The following CFAP70 variants were observed in gnomAD, a reference collection of about 807,000 sequenced individuals.
CFAP70 encodes the protein cilia and flagella associated protein 70.
Under a neutral mutation model 137.6 loss-of-function variants are expected in CFAP70, and 81 were observed. The ratio of observed to expected loss-of-function variants is 0.59; its 90% confidence interval spans 0.49 to 0.71. The LOEUF (loss-of-function observed/expected upper bound fraction) is 0.71, where lower values mean the gene tolerates loss of function less well. Among genes scored for constraint, CFAP70 ranks in the 30% least tolerant of loss-of-function variants. The probability of loss-of-function intolerance (pLI) is 0.00; values close to 1 mark genes in which losing one functional copy is unlikely to be tolerated. For missense variants in CFAP70, 976 were observed against 1,226.7 expected, an observed-to-expected ratio of 0.80 and a Z score of 3.05; for synonymous variants, 382 against 423.6, an observed-to-expected ratio of 0.90 and a Z score of 1.20.
chr10:73,255,973 C>G (rs1430767333), intron 26 of CFAP70, among the ~76,000 whole-genome samples: 1 of 152,134 alleles, frequency 6.6e-6, no homozygotes, highest in African/African-American at 2.4e-5. Context: ...CTACAAATCC[C>G]CCAAAATTTC....
chr10:73,313,371 CAAAAAAAA>C (rs775077463), intron 9 of CFAP70, among the ~76,000 whole-genome samples: 1 of 59,180 alleles, frequency 1.7e-5, no homozygotes, highest in Non-Finnish European at 3.5e-5. Flanking sequence ...GACTCTGTCT[CAAAAAAAA>C]AAAAAAAAAA....
exon 27 of CFAP70, chr10:73,253,890 C>G: frequency 9.3e-7 from 1 of 1,075,716 alleles, no homozygotes; most frequent in Non-Finnish European, 1.4e-6. Context: ...TTTCGTTCTC[C>G]AGCTCCAGGC....
At chr10:73,269,510 G>C (rs1310347861) in intron 25 of CFAP70, 104 bp downstream of exon 26, 2 of 734,238 alleles carry the variant, frequency 2.7e-6, no homozygotes, top group Non-Finnish European at 4.8e-6. Context: ...GAGCTTATCA[G>C]ATTTCAGCTA....
chr10:73,360,490 A>G (rs1356143635), upstream of CFAP70, among the ~76,000 whole-genome samples: 1 of 152,170 alleles, frequency 6.6e-6, no homozygotes, highest in Admixed American at 6.5e-5. Flanking sequence ...ACTTTTCTAT[A>G]CATTCGAGAT....
chr10:73,318,284 G>A (rs2050562702), intron 9 of CFAP70, among the ~76,000 whole-genome samples: 1 of 152,140 alleles, frequency 6.6e-6, no homozygotes, highest in Non-Finnish European at 1.5e-5. Flanking sequence ...CTTTTGTGGG[G>A]AGATGATTTG....
At chr10:73,299,075 G>A (rs1468928963) in exon 14 of CFAP70, 1 of 1,613,648 alleles carries the variant, frequency 6.2e-7, no homozygotes, top group South Asian at 1.1e-5. Flanking sequence ...AAATATTCTT[G>A]ATCTGTATGT....
Position 73,277,355 on chromosome 10 carries a change from G to C in CFAP70, c.2405C>G (p.Ser802Ter), listed in dbSNP as rs774374249. The change falls in exon 21 of 27, where the codon TCA (serine) becomes TGA (stop). Residue 802 changes from serine (S) to a stop codon, truncating the protein, a stop_gained. Coordinates refer to ENST00000310715, the Ensembl canonical transcript of CFAP70. LOFTEE classifies it high-confidence loss of function. Reference sequence around the variant, plus strand: ...AAGAGCTGATGAATCTTGACATTTTGATGCTTCTGAAAATATTACATTAAA... The same window carrying C: ...AAGAGCTGATGAATCTTGACATTTTCATGCTTCTGAAAATATTACATTAAA... The C allele has an allele frequency of 6.2e-6, 10 of 1,612,614 alleles. No individual in the cohort carries two copies. In the Admixed American group the frequency reaches 1.3e-4, roughly 22 times the overall value.
intron 9 of CFAP70, among the ~76,000 whole-genome samples, chr10:73,318,994 G>A (rs1325249346): frequency 6.6e-6 from 1 of 152,300 alleles, no homozygotes; most frequent in East Asian, 1.9e-4. Context: ...TTAGAGGCCT[G>A]TGCTCCCCAG....
intron 19 of CFAP70, among the ~76,000 whole-genome samples, chr10:73,282,265 TC>T: frequency 6.6e-6 from 1 of 150,884 alleles, no homozygotes; most frequent in Non-Finnish European, 1.5e-5. Context: ...ACCCTGAAAA[TC>T]CCCCTCACAC....
intron 19 of CFAP70, among the ~76,000 whole-genome samples, chr10:73,290,475 T>C (rs2048094022): frequency 6.6e-6 from 1 of 152,258 alleles, no homozygotes; most frequent in African/African-American, 2.4e-5. Flanking sequence ...ATGTTGATTG[T>C]GGTGATGTTT....
At chr10:73,256,812 A>G (rs556099047) in intron 25 of CFAP70, among the ~76,000 whole-genome samples, 2 of 149,978 alleles carry the variant, frequency 1.3e-5, no homozygotes, top group South Asian at 4.3e-4. Flanking sequence ...CTGAGGCAGG[A>G]GAATCGCTTG....
intron 19 of CFAP70, among the ~76,000 whole-genome samples, chr10:73,283,421 TA>T (rs1354819800): frequency 3.9e-5 from 6 of 152,224 alleles, no homozygotes; most frequent in Admixed American, 2.0e-4. Context: ...AATACGGAGA[TA>T]GGGGTGAGAC....
At chr10:73,287,851 A>ACATC (rs1418919003) in intron 19 of CFAP70, among the ~76,000 whole-genome samples, 103 of 126,494 alleles carry the variant, frequency 8.1e-4, no homozygotes, top group African/African-American at 2.6e-3. Flanking sequence ...ATGCATTTTA[A>ACATC]CATCTATCTA....
upstream of CFAP70, among the ~76,000 whole-genome samples, chr10:73,360,644 T>C (rs1440667376): frequency 6.6e-6 from 1 of 152,234 alleles, no homozygotes. Context: ...GAAATATTTT[T>C]TGAAAGTTGC....
exon 20 of CFAP70, chr10:73,278,219 T>A (rs769142591): frequency 6.2e-7 from 1 of 1,613,896 alleles, no homozygotes; most frequent in South Asian, 1.1e-5. Context: ...TGTTAGATGG[T>A]TTTTGGCTTA....
chr10:73,258,802 G>A (rs1324237712), intron 25 of CFAP70, among the ~76,000 whole-genome samples: 1 of 152,158 alleles, frequency 6.6e-6, no homozygotes, highest in Non-Finnish European at 1.5e-5. Flanking sequence ...GATGAAAAAA[G>A]CCCCGGTTTC....
At chr10:73,323,336 G>T (rs1480822460) in intron 8 of CFAP70, among the ~76,000 whole-genome samples, 1 of 130,296 alleles carries the variant, frequency 7.7e-6, no homozygotes, top group Admixed American at 8.5e-5. Context: ...GGGGGCGGGG[G>T]GGGGGCAGCC....
intron 1 of CFAP70, among the ~76,000 whole-genome samples, chr10:73,356,067 T>C (rs1488605262): frequency 1.3e-5 from 2 of 152,228 alleles, no homozygotes; most frequent in East Asian, 1.9e-4. Flanking sequence ...CACAAAATGG[T>C]AGTCCACTGG....
In CFAP70 at chr10:73,284,778, A is replaced by C. The variant is rs1281056664; in HGVS notation, c.2240-6441T>G. Among the ~76,000 whole-genome samples, 487 of 50,334 alleles carry C rather than the reference A, an allele frequency of 9.7e-3. 40 individuals are homozygous for C. The highest frequency in any genetic ancestry group is 0.041 in the African/African-American group (457 of 11,218). The allele number at this position is 50,334 out of a possible 152,430, so 33.0% of individuals were successfully genotyped here. ...TATATATATATATATATATATATAT[A>C]TATATATATATATATATATATATAT... On this transcript the variant is annotated intron_variant, in intron 19 of 26. Transcript: ENST00000310715.
Sources: allele counts gnomAD v4.1 joint callset (sites outside exome capture counted in the v4.1 genomes callset), GRCh38; gene constraint gnomAD v4.1.1; transcripts MANE v1.5; gene names NCBI Gene and HGNC (gene_info 2026-07-23, HGNC 2026-07-21).